Variants in NALF2 observed in about 807,000 individuals in gnomAD.
NALF2 encodes NALCN channel auxiliary factor 2.
In NALF2, 1 loss-of-function variant was observed where a neutral mutation model predicts 24.8. That is an observed-to-expected ratio of 0.04 (90% CI 0.01 to 0.19). The LOEUF (loss-of-function observed/expected upper bound fraction) is 0.19, where lower values mean the gene tolerates loss of function less well. NALF2 is among the 10% of genes least tolerant of loss of function. The probability of loss-of-function intolerance (pLI) is 1.00; values close to 1 mark genes in which losing one functional copy is unlikely to be tolerated. For missense variants in NALF2, 458 were observed against 409.6 expected (o/e 1.12, Z -1.02); for synonymous variants, 254 against 189.8 (o/e 1.34, Z -2.78).
At chrX:69,525,781 C>T (rs938844828) in intron 1 of NALF2, among the ~76,000 whole-genome samples, 15 of 108,365 alleles carry the variant, frequency 1.4e-4, no homozygotes, top group Non-Finnish European at 2.1e-4. Flanking sequence ...TCCCCAACCC[C>T]GTTGTTTCCT....
Position 69,531,145 on chromosome X carries a change from T to TA in NALF2, c.*1189_*1190insA, listed in dbSNP as rs1298692799. 8.9e-6 allele frequency: 1 copy of TA among 112,438 alleles called. No homozygotes were observed. Among genetic ancestry groups the TA allele is most frequent in the Non-Finnish European group, 1.9e-5 (1 of 53,173 alleles). 9.3% of individuals were successfully genotyped at this position (112,438 alleles called of 1,213,427 possible). On this transcript the variant is annotated 3_prime_UTR_variant, in exon 3 of 3. Transcript: ENST00000252338. ...GCCTACCAAAGAGTATTCACACCTT[T>TA]CCATCCCTGACTCTATGGGTTACTG...
At chrX:69,521,262 A>G (rs1316380870) in intron 1 of NALF2, among the ~76,000 whole-genome samples, 1 of 110,747 alleles carries the variant, frequency 9.0e-6, no homozygotes, top group Non-Finnish European at 1.9e-5. Flanking sequence ...CTTGAAGTGC[A>G]CTTATTCTTT....
chrX:69,514,682 A>G (rs1930638334), intron 1 of NALF2, among the ~76,000 whole-genome samples: 1 of 111,950 alleles, frequency 8.9e-6, no homozygotes, highest in Non-Finnish European at 1.9e-5. Context: ...ATTTTACATT[A>G]TATTACATTT....
chrX:69,508,935 G>A (rs1930537733), intron 1 of NALF2, among the ~76,000 whole-genome samples: 1 of 112,332 alleles, frequency 8.9e-6, no homozygotes, highest in African/African-American at 3.2e-5. Context: ...GTGACCCCCT[G>A]TCCCCAGGAC....
At chrX:69,523,224 A>G (rs930462887) in intron 1 of NALF2, among the ~76,000 whole-genome samples, 1 of 112,776 alleles carries the variant, frequency 8.9e-6, no homozygotes, top group African/African-American at 3.2e-5. Flanking sequence ...GTTGGCAAGA[A>G]CTAAAGCTCT....
intron 1 of NALF2, 87 bp from the exon 2 acceptor site, chrX:69,528,906 A>G: frequency 9.9e-7 from 1 of 1,013,613 alleles, no homozygotes; most frequent in Non-Finnish European, 1.3e-6. Flanking sequence ...GGCCCCCTTG[A>G]GAGACCACAA....
intron 1 of NALF2, among the ~76,000 whole-genome samples, chrX:69,519,895 A>C (rs1019503197): frequency 1.8e-5 from 2 of 112,049 alleles, no homozygotes; most frequent in African/African-American, 6.5e-5. Context: ...AACTGCTCTC[A>C]CCATAATGAG....
chrX:69,506,125 C>T lies in NALF2; in HGVS notation c.843C>T (p.Ser281=), dbSNP rs1306300614. The change falls in exon 1 of 3, where the codon TCC becomes TCT. Residue 281 remains serine (S), a synonymous_variant. Transcript: ENST00000252338. ...YLQAEEYSIR[S]CTKGCKAVYK... Reference sequence around the variant, plus strand: ...AGGCGGAAGAGTACTCAATCCGGTCCTGCACGAAAGGCTGTAAGGTAAGGA... The same window carrying T: ...AGGCGGAAGAGTACTCAATCCGGTCTTGCACGAAAGGCTGTAAGGTAAGGA... The T allele has an allele frequency of 1.9e-5, 23 of 1,206,458 alleles. No homozygotes were observed. The highest frequency in any genetic ancestry group is 1.5e-4 in the East Asian group (5 of 33,693).
At position 69,519,045 on chromosome X, in the gene NALF2, A is replaced by G. The variant is rs768535342; in HGVS notation, c.862-9948A>G. On this transcript the variant is annotated intron_variant, in intron 1 of 2. Transcript: ENST00000252338. ...ATTCCATGTTTATATTACTAGAATT[A>G]TAAATATTGTTCACAGCTGAGTTAT... Among the ~76,000 whole-genome samples the G allele has an allele frequency of 5.3e-5, 6 of 112,380 alleles. No individual in the cohort carries two copies. The South Asian group carries it at 2.2e-3, about 41-fold the overall frequency.
At chrX:69,515,210 C>G (rs760882415) in intron 1 of NALF2, among the ~76,000 whole-genome samples, 10 of 111,740 alleles carry the variant, frequency 8.9e-5, no homozygotes, top group African/African-American at 9.8e-5. Flanking sequence ...ATTAATGTTC[C>G]TCCTATTAGC....
intron 1 of NALF2, among the ~76,000 whole-genome samples, chrX:69,514,475 C>T (rs1023634162): frequency 1.8e-5 from 2 of 111,187 alleles, no homozygotes; most frequent in African/African-American, 3.3e-5. Flanking sequence ...TGTTGGTGGG[C>T]GTTTGGATTA....
intron 1 of NALF2, among the ~76,000 whole-genome samples, chrX:69,516,587 A>T (rs1179945052): frequency 3.6e-5 from 4 of 112,250 alleles, no homozygotes; most frequent in Non-Finnish European, 7.5e-5. Context: ...AGGCTACTCT[A>T]GAAGCCCCCA....
At chrX:69,522,019 A>C (rs1930741950) in intron 1 of NALF2, among the ~76,000 whole-genome samples, 1 of 112,139 alleles carries the variant, frequency 8.9e-6, no homozygotes, top group Admixed American at 9.4e-5. Context: ...GCTGTTCCAT[A>C]TGGCACCAGT....
intron 1 of NALF2, among the ~76,000 whole-genome samples, chrX:69,511,729 G>A (rs1319611245): frequency 1.8e-5 from 2 of 111,452 alleles, no homozygotes; most frequent in Non-Finnish European, 3.8e-5. Context: ...AGAGTCTGCT[G>A]AACATGGTGA....
chrX:69,521,400 C>T (rs973472669), intron 1 of NALF2, among the ~76,000 whole-genome samples: 1 of 111,230 alleles, frequency 9.0e-6, no homozygotes, highest in Non-Finnish European at 1.9e-5. Flanking sequence ...CTTAATGCTA[C>T]TACTGTACCA....
intron 1 of NALF2, among the ~76,000 whole-genome samples, chrX:69,522,825 G>C (rs1930751685): frequency 8.9e-6 from 1 of 112,352 alleles, no homozygotes; most frequent in South Asian, 3.7e-4. Context: ...TTCTCTGTGT[G>C]CTGATGGATG....
At chrX:69,515,021 A>G (rs1454561146) in intron 1 of NALF2, among the ~76,000 whole-genome samples, 3 of 112,327 alleles carry the variant, frequency 2.7e-5, no homozygotes, top group African/African-American at 9.7e-5. Context: ...TTGCTATTAT[A>G]AATAATACTG....
At chrX:69,508,753 C>T (rs1051018916) in intron 1 of NALF2, among the ~76,000 whole-genome samples, 10 of 112,244 alleles carry the variant, frequency 8.9e-5, no homozygotes, top group African/African-American at 2.3e-4. Context: ...TCCCAAACCC[C>T]GTTCCTGGGC....
chrX:69,505,719 C>G lies in NALF2; in HGVS notation c.437C>G (p.Ala146Gly). 3 of 1,211,247 alleles carry G rather than the reference C, an allele frequency of 2.5e-6. No homozygotes were observed. Among genetic ancestry groups the G allele is most frequent in the Non-Finnish European group, 3.4e-6 (3 of 895,153 alleles). The change falls in exon 1 of 3, where the codon GCT (alanine) becomes GGT (glycine). Residue 146 changes from alanine to glycine, a missense_variant. Coordinates refer to ENST00000252338, the MANE Select transcript of NALF2 (RefSeq NM_015686.3). ...CCAGAGCCCACGGGGCTGGACGCAG[C>G]TTGCACCAAATTGCAATCTTTGCAG... The part of the protein sequence containing the change: ...GVPEPTGLDA[A>G]CTKLQSLQRL...
Sources: allele counts gnomAD v4.1 joint callset (sites outside exome capture counted in the v4.1 genomes callset), GRCh38; gene constraint gnomAD v4.1.1; transcripts MANE v1.5; gene names NCBI Gene and HGNC (gene_info 2026-07-23, HGNC 2026-07-21).